The following ENTREP2 variants were observed in gnomAD, a reference collection of about 807,000 sequenced individuals.
ENTREP2 encodes the protein protein ENTREP2.
At chr15:29,357,331 G>C in the ENTREP2 span, among the ~76,000 whole-genome samples, 1 of 152,188 alleles carries the variant, frequency 6.6e-6, no homozygotes, top group East Asian at 1.9e-4. Flanking sequence ...TATCCCCAGT[G>C]AAGGAATTAA....
the ENTREP2 span, among the ~76,000 whole-genome samples, chr15:29,539,875 T>C: frequency 2.6e-5 from 4 of 152,208 alleles, no homozygotes; most frequent in African/African-American, 9.6e-5. Flanking sequence ...AGCCAAGCCC[T>C]GGCGAGCCCT....
the ENTREP2 span, among the ~76,000 whole-genome samples, chr15:29,255,430 T>C: frequency 6.6e-6 from 1 of 152,140 alleles, no homozygotes; most frequent in Admixed American, 6.5e-5. Flanking sequence ...GAAATGTAAA[T>C]TAGTTCAGCC....
chr15:29,397,846 G>A, the ENTREP2 span, among the ~76,000 whole-genome samples: 138 of 152,302 alleles, frequency 9.1e-4, 1 homozygote, highest in African/African-American at 3.2e-3. Context: ...ATAAAGGTCA[G>A]TGTAACAATC....
chr15:29,488,266 G>C, the ENTREP2 span, among the ~76,000 whole-genome samples: 7 of 152,224 alleles, frequency 4.6e-5, no homozygotes, highest in African/African-American at 1.7e-4. Context: ...AGGTCAAAAA[G>C]TACACCAACT....
the ENTREP2 span, among the ~76,000 whole-genome samples, chr15:29,241,229 G>A: frequency 5.9e-5 from 9 of 152,274 alleles, no homozygotes; most frequent in South Asian, 8.3e-4. Context: ...TGGGCTAACC[G>A]CTTCTCAGCA....
the ENTREP2 span, among the ~76,000 whole-genome samples, chr15:29,604,260 C>T: frequency 3.9e-5 from 6 of 152,152 alleles, no homozygotes; most frequent in African/African-American, 1.4e-4. Context: ...TATCAGATGG[C>T]CACAAGAATT....
the ENTREP2 span, chr15:29,235,131 G>T: frequency 9.2e-6 from 9 of 978,990 alleles, no homozygotes; most frequent in South Asian, 1.3e-5. Context: ...GAGCCACCCC[G>T]AGACATGGCT....
chr15:29,158,896 G>A, the ENTREP2 span, among the ~76,000 whole-genome samples: 6 of 151,856 alleles, frequency 4.0e-5, no homozygotes, highest in South Asian at 4.2e-4. Flanking sequence ...CAAAGCTACA[G>A]TTGATAAATT....
the ENTREP2 span, among the ~76,000 whole-genome samples, chr15:29,180,579 G>T: frequency 6.6e-6 from 1 of 152,034 alleles, no homozygotes; most frequent in African/African-American, 2.4e-5. Flanking sequence ...TAGGAGAATC[G>T]CTTGAACCCA....
the ENTREP2 span, among the ~76,000 whole-genome samples, chr15:29,209,841 C>T: frequency 1.3e-5 from 2 of 152,064 alleles, no homozygotes; most frequent in East Asian, 3.9e-4. Flanking sequence ...CAGCTGTCAC[C>T]CCCTCAGAGC....
the ENTREP2 span, among the ~76,000 whole-genome samples, chr15:29,500,542 A>G: frequency 6.6e-6 from 1 of 152,084 alleles, no homozygotes; most frequent in Non-Finnish European, 1.5e-5. Flanking sequence ...TTGAGATAAA[A>G]TAAAAATAAA....
At chr15:29,262,095 A>AG in the ENTREP2 span, among the ~76,000 whole-genome samples, 69,100 of 143,654 alleles carry the variant, frequency 0.48, 18,881 homozygotes, top group South Asian at 0.63. Context: ...AAAAAAAAAA[A>AG]GGGCGAAGGC....
the ENTREP2 span, among the ~76,000 whole-genome samples, chr15:29,633,640 A>C: frequency 6.6e-6 from 1 of 152,132 alleles, no homozygotes; most frequent in East Asian, 1.9e-4. Flanking sequence ...AAACTATTTT[A>C]GTGTCCACAC....
the ENTREP2 span, among the ~76,000 whole-genome samples, chr15:29,373,028 T>A: frequency 1.3e-5 from 2 of 152,144 alleles, no homozygotes; most frequent in East Asian, 3.9e-4. Context: ...ATTTCAGAAT[T>A]ATGGTCCAAG....
the ENTREP2 span, among the ~76,000 whole-genome samples, chr15:29,413,036 AT>A: frequency 7.2e-5 from 11 of 152,088 alleles, no homozygotes; most frequent in African/African-American, 2.4e-4. Context: ...TTAATGAGTT[AT>A]TAAAATCTTT....
At chr15:29,136,326 T>C in the ENTREP2 span, 4 of 1,462,808 alleles carry the variant, frequency 2.7e-6, no homozygotes, top group Non-Finnish European at 3.6e-6. Flanking sequence ...TCCCTAGCAT[T>C]CCCACGGGAA....
chr15:29,467,556 G>T, the ENTREP2 span, among the ~76,000 whole-genome samples: 33 of 152,292 alleles, frequency 2.2e-4, no homozygotes, highest in Non-Finnish European at 7.4e-5. Context: ...GCTTTTGAAG[G>T]CTGCAGTGCT....
At chr15:29,554,972 T>A in the ENTREP2 span, among the ~76,000 whole-genome samples, 1 of 152,284 alleles carries the variant, frequency 6.6e-6, no homozygotes, top group South Asian at 2.1e-4. Flanking sequence ...GCTTATTAAA[T>A]AAATTACATT....
chr15:29,453,759 T>G, the ENTREP2 span, among the ~76,000 whole-genome samples: 1 of 152,372 alleles, frequency 6.6e-6, no homozygotes, highest in Admixed American at 6.5e-5. Flanking sequence ...GGAATCCTAC[T>G]GTATAGCAGG....
Sources: allele counts gnomAD v4.1 joint callset (sites outside exome capture counted in the v4.1 genomes callset), GRCh38; gene constraint gnomAD v4.1.1; transcripts MANE v1.5; gene names NCBI Gene and HGNC (gene_info 2026-07-23, HGNC 2026-07-21).